Variants in PLPP4 observed in about 807,000 individuals in gnomAD.
The protein encoded by PLPP4 is diacylglycerol pyrophosphate like 2.
Under a neutral mutation model 32.2 loss-of-function variants are expected in PLPP4, and 20 were observed. The observed-to-expected ratio is 0.62, with a 90% CI of 0.44 to 0.90. The LOEUF (loss-of-function observed/expected upper bound fraction) is 0.90, where lower values mean the gene tolerates loss of function less well. PLPP4 is among the 40% of genes least tolerant of loss of function. The pLI is 0.00. For missense variants in PLPP4, 257 were observed against 353.1 expected, an observed-to-expected ratio of 0.73 and a Z score of 2.18; for synonymous variants, 127 against 133.0, an observed-to-expected ratio of 0.95 and a Z score of 0.31.
At chr10:120,566,711 C>T (rs1291985011) in intron 5 of PLPP4, among the ~76,000 whole-genome samples, 3 of 152,032 alleles carry the variant, frequency 2.0e-5, no homozygotes, top group Admixed American at 6.6e-5. Context: ...CCTGCCACCA[C>T]GCCCGGCTAA....
At position 120,503,703 on chromosome 10, in the gene PLPP4, C is replaced by A. The variant is rs1010042918; in HGVS notation, c.57-115C>A. The A allele has an allele frequency of 1.9e-6, 3 of 1,589,796 alleles. No individual in the cohort carries two copies. The African/African-American group carries it at 4.0e-5, about 21-fold the overall frequency. ...TGACAGCAGGGCCTGTCTCTTTCCC[C>A]TTCCCCAGCAGGCTGGATTCCCACC... is the stretch of plus-strand genomic sequence containing the variant. On this transcript the variant is annotated intron_variant, in intron 1 of 6. Transcript: ENST00000398250.
chr10:120,520,992 C>T lies in PLPP4; in HGVS notation c.342C>T (p.Tyr114=). ...IVGRPRPDFF[Y]RCFPDGVMNS... is the part of the protein sequence containing the mutation. ...GTAGACCTCGCCCCGATTTCTTTTA[C>T]CGCTGCTTTCCAGATGGAGTGATGA... The change falls in exon 5 of 7, where the codon TAC becomes TAT. Residue 114 remains tyrosine, a synonymous_variant. Coordinates refer to ENST00000398250, the MANE Select transcript of PLPP4 (RefSeq NM_001030059.3). 1 of 1,613,948 alleles carries T rather than the reference C, an allele frequency of 6.2e-7. No individual in the cohort carries two copies. The highest frequency in any genetic ancestry group is 1.6e-4 in the Middle Eastern group (1 of 6,062).
intron 2 of PLPP4, among the ~76,000 whole-genome samples, chr10:120,506,836 G>T (rs1845513921): frequency 6.6e-6 from 1 of 152,212 alleles, no homozygotes; most frequent in Non-Finnish European, 1.5e-5. Flanking sequence ...TGAAAGTTGG[G>T]TGTAGTTGGA....
At chr10:120,523,803 TGGTAGG>T (rs1846271204) in intron 5 of PLPP4, among the ~76,000 whole-genome samples, 2 of 152,172 alleles carry the variant, frequency 1.3e-5, no homozygotes, top group Non-Finnish European at 2.9e-5. Context: ...CCAGAATGGT[TGGTAGG>T]GGACTGTAGC....
intron 1 of PLPP4, among the ~76,000 whole-genome samples, chr10:120,474,957 A>G (rs1280988286): frequency 6.6e-6 from 1 of 152,230 alleles, no homozygotes; most frequent in Non-Finnish European, 1.5e-5. Flanking sequence ...AAATAAGATG[A>G]CAGTGTTTTG....
chr10:120,590,457 C>T lies in PLPP4; in HGVS notation c.*955C>T, dbSNP rs920894170. ...GCAGAGCTCTGCTCTAAGGATTCTC[C>T]AAGTGGTGGTGTGTTCCTGTTCCTA... On this transcript the variant is annotated 3_prime_UTR_variant, in exon 7 of 7. Coordinates refer to ENST00000398250, the MANE Select transcript of PLPP4 (RefSeq NM_001030059.3). Among the ~76,000 whole-genome samples, 3 of 152,190 alleles carry T rather than the reference C, an allele frequency of 2.0e-5. No individual in the cohort carries two copies. The highest frequency in any genetic ancestry group is 2.9e-5 in the Non-Finnish European group (2 of 68,040).
chr10:120,495,221 C>A (rs1589762590), intron 1 of PLPP4, among the ~76,000 whole-genome samples: 1 of 152,168 alleles, frequency 6.6e-6, no homozygotes, highest in East Asian at 1.9e-4. Flanking sequence ...AAGTGAAGGG[C>A]TTGGCATGAG....
At chr10:120,524,052 T>G (rs1012679243) in intron 5 of PLPP4, among the ~76,000 whole-genome samples, 2 of 152,240 alleles carry the variant, frequency 1.3e-5, no homozygotes, top group African/African-American at 4.8e-5. Flanking sequence ...AGACAAGCTT[T>G]TTGACAGAGG....
chr10:120,478,046 C>T (rs1232125350), intron 1 of PLPP4, among the ~76,000 whole-genome samples: 1 of 152,178 alleles, frequency 6.6e-6, no homozygotes, highest in African/African-American at 2.4e-5. Flanking sequence ...GGGTCTGCCA[C>T]CCCACCAGAT....
At chr10:120,507,824 G>A (rs568402604) in intron 2 of PLPP4, among the ~76,000 whole-genome samples, 1 of 152,302 alleles carries the variant, frequency 6.6e-6, no homozygotes, top group Admixed American at 6.5e-5. Context: ...TAATTCAGTG[G>A]ATGGTTATGA....
At chr10:120,519,951 C>T (rs1589809466) in intron 4 of PLPP4, among the ~76,000 whole-genome samples, 1 of 152,174 alleles carries the variant, frequency 6.6e-6, no homozygotes, top group Non-Finnish European at 1.5e-5. Flanking sequence ...AAGATCCAGG[C>T]GCTGGTGTTC....
intron 3 of PLPP4, among the ~76,000 whole-genome samples, chr10:120,514,937 G>A (rs1273446177): frequency 6.6e-6 from 1 of 152,140 alleles, no homozygotes; most frequent in Non-Finnish European, 1.5e-5. Flanking sequence ...ATGTTTGTTT[G>A]TTAATTATTG....
At position 120,487,912 on chromosome 10, in the gene PLPP4, A is replaced by T. The variant is rs143818244; in HGVS notation, c.57-15906A>T. ...TTTACCTGGTCCTTGACTGTTTCCC[A>T]TGCCAGCAGGAAACCCAAAGCTCTC... On this transcript the variant is annotated intron_variant, in intron 1 of 6. Transcript: ENST00000398250. Among the ~76,000 whole-genome samples, 629 of 152,322 alleles carry T rather than the reference A, an allele frequency of 4.1e-3. 5 individuals are homozygous for T. The highest frequency in any genetic ancestry group is 0.015 in the African/African-American group (610 of 41,564).
At chr10:120,495,762 C>T (rs1401623805) in intron 1 of PLPP4, among the ~76,000 whole-genome samples, 1 of 152,160 alleles carries the variant, frequency 6.6e-6, no homozygotes, top group African/African-American at 2.4e-5. Flanking sequence ...AACACACAAC[C>T]TCACTACCCT....
intron 6 of PLPP4, 73 bp downstream of exon 6, chr10:120,575,374 G>T: frequency 6.7e-7 from 1 of 1,486,564 alleles, no homozygotes; most frequent in South Asian, 1.2e-5. Context: ...GTGTAGAAAT[G>T]CACCAATTGT....
Position 120,509,014 on chromosome 10 carries a change from C to T in PLPP4, c.166-4897C>T, listed in dbSNP as rs146956281. On this transcript the variant is annotated intron_variant, in intron 2 of 6. Coordinates refer to ENST00000398250, the MANE Select transcript of PLPP4 (RefSeq NM_001030059.3). ...TGGCCTACAAGGGGTCAACTCCCAG[C>T]TTTGCCATTCACTAGCTATGCAAAT... Among the ~76,000 whole-genome samples, 533 of 152,352 alleles carry T rather than the reference C, an allele frequency of 3.5e-3. 2 individuals are homozygous for T. The highest frequency in any genetic ancestry group is 0.012 in the African/African-American group (502 of 41,586).
intron 1 of PLPP4, among the ~76,000 whole-genome samples, chr10:120,487,434 C>A (rs557989810): frequency 6.6e-6 from 1 of 152,296 alleles, no homozygotes; most frequent in African/African-American, 2.4e-5. Flanking sequence ...AGAACTGATT[C>A]ATTTTAAGAC....
intron 5 of PLPP4, among the ~76,000 whole-genome samples, chr10:120,536,118 G>A (rs1847005450): frequency 6.6e-6 from 1 of 152,052 alleles, no homozygotes; most frequent in South Asian, 2.1e-4. Flanking sequence ...ATTATCCAAA[G>A]CAATCTAGAG....
chr10:120,552,506 C>T lies in PLPP4; in HGVS notation c.446-22625C>T, dbSNP rs377093051. Among the ~76,000 whole-genome samples, 18 of 152,174 alleles carry T rather than the reference C, an allele frequency of 1.2e-4. 1 individual carries two copies. In the East Asian group the frequency reaches 2.1e-3, roughly 18 times the overall value. ...TTCTCATTCTATCACCATTGGCCAT[C>T]AAAAAATAATGTCTTGGGAAGTCTC... On this transcript the variant is annotated intron_variant, in intron 5 of 6. Transcript: ENST00000398250.
Sources: gnomAD v4.1 joint callset for allele counts (sites outside exome capture counted in the v4.1 genomes callset) on GRCh38, gnomAD v4.1.1 for gene constraint, MANE v1.5 for transcripts, NCBI Gene and HGNC (gene_info 2026-07-23, HGNC 2026-07-21) for gene names.